F2RL2: variants seen among roughly 807,000 people sequenced by gnomAD.
F2RL2 encodes the protein coagulation factor II thrombin receptor like 2.
F2RL2 carries 4 observed loss-of-function variants against 4.3 expected under a neutral mutation model. That is an observed-to-expected ratio of 0.93 (90% CI 0.46 to 2.12). The LOEUF is 2.12. Ranked by LOEUF, F2RL2 falls within the 30% of genes most tolerant of loss-of-function variation. The pLI is 0.02. For synonymous variants in F2RL2, 166 were observed against 170.9 expected (o/e 0.97, Z 0.22); for missense variants, 408 against 449.3 (o/e 0.91, Z 0.83).
intron 1 of F2RL2, among the ~76,000 whole-genome samples, chr5:76,620,036 C>T (rs1270750952): frequency 1.3e-5 from 2 of 152,158 alleles, no homozygotes; most frequent in Non-Finnish European, 2.9e-5. Flanking sequence ...CTCCTAGAGC[C>T]TCGAGAATGA....
Position 76,617,310 on chromosome 5 carries a change from G to C in F2RL2, c.*272C>G, listed in dbSNP as rs1252089192. The C allele has an allele frequency of 3.1e-6, 1 of 317,954 alleles. No individual in the cohort carries two copies. Among genetic ancestry groups the C allele is most frequent in the Non-Finnish European group, 5.8e-6 (1 of 171,806 alleles). 19.7% of individuals were successfully genotyped at this position (317,954 alleles called of 1,614,324 possible). On this transcript the variant is annotated 3_prime_UTR_variant, in exon 2 of 2. Coordinates refer to ENST00000296641, the MANE Select transcript of F2RL2 (RefSeq NM_004101.4). ...AAATACAAGTATTTTTAGTAGCTGG[G>C]CATGGTGGTGTAATCCCAGCTACTT...
Position 76,616,976 on chromosome 5 carries a change from A to G in F2RL2, c.*606T>C, listed in dbSNP as rs1457094773. 6.6e-6 allele frequency: 1 copy of G among 152,450 alleles called. No individual in the cohort carries two copies. The highest frequency in any genetic ancestry group is 1.5e-5 in the Non-Finnish European group (1 of 68,240). The allele number at this position is 152,450 out of a possible 1,614,324, so 9.4% of individuals were successfully genotyped here. Reference sequence around the variant, plus strand: ...GCATGAGAGTCAAAAGAGACCAAAGAATAAAAAATGATGTCAAATGTCAAG... The same window carrying G: ...GCATGAGAGTCAAAAGAGACCAAAGGATAAAAAATGATGTCAAATGTCAAG... On this transcript the variant is annotated 3_prime_UTR_variant, in exon 2 of 2. Coordinates refer to ENST00000296641, the MANE Select transcript of F2RL2 (RefSeq NM_004101.4).
intron 1 of F2RL2, among the ~76,000 whole-genome samples, chr5:76,619,029 G>T (rs559998511): frequency 1.8e-4 from 28 of 152,298 alleles, no homozygotes; most frequent in African/African-American, 6.7e-4. Flanking sequence ...GACTAGCAAG[G>T]TTCCTAAAAA....
At chr5:76,620,657 G>A (rs368656225) in intron 1 of F2RL2, among the ~76,000 whole-genome samples, 24 of 152,208 alleles carry the variant, frequency 1.6e-4, no homozygotes, top group African/African-American at 5.8e-4. Flanking sequence ...GGAGGCTCTC[G>A]TTTAATTTAA....
chr5:76,620,386 G>C (rs1749527577), intron 1 of F2RL2, among the ~76,000 whole-genome samples: 1 of 152,106 alleles, frequency 6.6e-6, no homozygotes, highest in African/African-American at 2.4e-5. Context: ...GCTTTGGGGT[G>C]CAGTGAGGGA....
rs1749154700 is a variant in F2RL2, at chr5:76,617,920, A to C, written c.787T>G (p.Phe263Val). ...AATCCAAAGAATGCCAAGGAGATGA[A>C]GTAATAGAGTTGGAAGGGAGATGAG... ...ESSSPFQLYY[F>V]ISLAFFGFLI... is the part of the protein sequence containing the mutation. Residue 263 changes from phenylalanine to valine, a missense_variant, in exon 2 of 2, where the codon TTC becomes GTC. By Grantham distance (50) the Phe-to-Val change is conservative (BLOSUM62 -1). Coordinates refer to ENST00000296641, the MANE Select transcript of F2RL2 (RefSeq NM_004101.4). 3 of 1,614,146 alleles carry C rather than the reference A, an allele frequency of 1.9e-6. No individual in the cohort carries two copies. The highest frequency in any genetic ancestry group is 1.1e-5 in the South Asian group (1 of 91,072).
chr5:76,623,147 CCCCT>C lies in F2RL2; in HGVS notation c.64+16_64+19del. On this transcript the variant is annotated intron_variant, in intron 1 of 1. Transcript: ENST00000296641. ...ACAGAAACCCACATCCCCATCCTAC[CCCCT>C]GAGAAAATTGCTTACCACTCTGACA... 3 of 1,613,212 alleles carry C rather than the reference CCCCT, an allele frequency of 1.9e-6. No individual in the cohort carries two copies. In the African/African-American group the frequency reaches 4.0e-5, roughly 22 times the overall value.
intron 1 of F2RL2, among the ~76,000 whole-genome samples, chr5:76,622,649 A>C (rs1749814172): frequency 6.6e-6 from 1 of 152,216 alleles, no homozygotes; most frequent in Non-Finnish European, 1.5e-5. Flanking sequence ...AAAAAATCAT[A>C]TATGAGGGTA....
rs1478366183 is a variant in F2RL2, at chr5:76,617,814, C to T, written c.893G>A (p.Trp298Ter). 6.2e-7 allele frequency: 1 copy of T among 1,613,788 alleles called. No individual in the cohort carries two copies. Residue 298 changes from tryptophan (W) to a stop codon, truncating the protein, a stop_gained, in exon 2 of 2, where the codon TGG (tryptophan) becomes TAG (stop). Transcript: ENST00000296641. LOFTEE classifies it high-confidence loss of function. ...TLNAYDHRWL[W>*]YVKASLLILV... ...GATGAGGAGACTCGCCTTAACATAC[C>T]ACAACCATCTATGATCGTATGCATT...
intron 1 of F2RL2, among the ~76,000 whole-genome samples, chr5:76,622,262 T>C (rs1561522270): frequency 6.6e-6 from 1 of 152,186 alleles, no homozygotes; most frequent in Admixed American, 6.5e-5. Context: ...TCTCAACATA[T>C]TGGCCCATCT....
At position 76,623,370 on chromosome 5, in the gene F2RL2, G is replaced by A. The variant is rs934171698; in HGVS notation, c.-140C>T. ...AAGTTTGCTCTCCTGTGCCGTGCAG[G>A]CAGGAAACTTGCCCTGGTCCTCCGC... On this transcript the variant is annotated 5_prime_UTR_variant, in exon 1 of 2. Transcript: ENST00000296641. 7 of 937,464 alleles carry A rather than the reference G, an allele frequency of 7.5e-6. No individual in the cohort carries two copies. Among genetic ancestry groups the A allele is most frequent in the South Asian group, 3.2e-5 (2 of 61,756 alleles). The allele number at this position is 937,464 out of a possible 1,614,324, so 58.1% of individuals were successfully genotyped here.
In F2RL2 at chr5:76,617,708, A is replaced by G. The variant is rs1436024923; in HGVS notation, c.999T>C (p.Thr333=). 3.7e-6 allele frequency: 6 copies of G among 1,614,048 alleles called. No individual in the cohort carries two copies. In the East Asian group the frequency reaches 1.1e-4, roughly 30 times the overall value. Residue 333 remains threonine, a synonymous_variant, in exon 2 of 2, where the codon ACT becomes ACC. Coordinates refer to ENST00000296641, the MANE Select transcript of F2RL2 (RefSeq NM_004101.4). ...IHHANYYYNN[T]DGLYFIYLIA... ...TGAGATATATAAAATATAAGCCATC[A>G]GTGTTGTTGTAGTAGTAGTTAGCAT...
intron 1 of F2RL2, among the ~76,000 whole-genome samples, chr5:76,621,602 A>T (rs1472525356): frequency 6.6e-6 from 1 of 152,238 alleles, no homozygotes; most frequent in Non-Finnish European, 1.5e-5. Context: ...GTCCGTTTTC[A>T]GAAAGTTTCT....
In F2RL2 at chr5:76,623,372, A is replaced by T. The variant is rs1392879151; in HGVS notation, c.-142T>A. ...GTTTGCTCTCCTGTGCCGTGCAGGC[A>T]GGAAACTTGCCCTGGTCCTCCGCAG... is the stretch of plus-strand genomic sequence containing the variant. On this transcript the variant is annotated 5_prime_UTR_variant, in exon 1 of 2. Transcript: ENST00000296641. The T allele has an allele frequency of 8.8e-6, 8 of 913,344 alleles. No homozygotes were observed. The African/African-American group carries it at 1.2e-4, about 13-fold the overall frequency. 56.6% of individuals were successfully genotyped at this position (913,344 alleles called of 1,614,324 possible).
At position 76,618,513 on chromosome 5, in the gene F2RL2, G is replaced by A. The variant is rs1749245129; in HGVS notation, c.194C>T (p.Thr65Ile). Reference protein sequence around the residue: ...ALEGWTGATITVKIKCPEESA... With the variant: ...ALEGWTGATIIVKIKCPEESA... ...TTCTTCAGGGCACTTAATTTTTACA[G>A]TAATCGTGGCTCCTGTCCAGCCTTC... Residue 65 changes from threonine (T) to isoleucine (I), a missense_variant, in exon 2 of 2, where the codon ACT becomes ATT. Transcript: ENST00000296641. 12 of 1,614,170 alleles carry A rather than the reference G, an allele frequency of 7.4e-6. No homozygotes were observed. The highest frequency in any genetic ancestry group is 9.3e-6 in the Non-Finnish European group (11 of 1,180,024).
rs150001586 is a variant in F2RL2, at chr5:76,617,707, C to T, written c.1000G>A (p.Asp334Asn). 8.7e-5 allele frequency: 141 copies of T among 1,613,846 alleles called. No individual in the cohort carries two copies. The highest frequency in any genetic ancestry group is 1.2e-4 in the Non-Finnish European group (138 of 1,179,974). The change falls in exon 2 of 2, where the codon GAT (aspartate) becomes AAT (asparagine). Residue 334 changes from aspartate to asparagine, a missense_variant. Physicochemically the swap from Asp to Asn is conservative, Grantham distance 23. Coordinates refer to ENST00000296641, the MANE Select transcript of F2RL2 (RefSeq NM_004101.4). Reference protein sequence around the residue: ...HHANYYYNNTDGLYFIYLIAL... With the variant: ...HHANYYYNNTNGLYFIYLIAL... Reference sequence around the variant, plus strand: ...ATGAGATATATAAAATATAAGCCATCAGTGTTGTTGTAGTAGTAGTTAGCA... The same window carrying T: ...ATGAGATATATAAAATATAAGCCATTAGTGTTGTTGTAGTAGTAGTTAGCA...
chr5:76,623,121 A>G (rs754323126), intron 1 of F2RL2, 46 bp downstream of exon 1: 2 of 1,584,784 alleles, frequency 1.3e-6, no homozygotes, highest in Non-Finnish European at 1.7e-6. Context: ...CTTAATTTGT[A>G]ACAGAAACCC....
rs1295471328 is a variant in F2RL2, at chr5:76,617,895, A to C, written c.812T>G (p.Phe271Cys). ...GATGATAAGCACAAATGGAATTAAG[A>C]ATCCAAAGAATGCCAAGGAGATGAA... Reference protein sequence around the residue: ...YYFISLAFFGFLIPFVLIIYC... With the variant: ...YYFISLAFFGCLIPFVLIIYC... Residue 271 changes from phenylalanine (F) to cysteine (C), a missense_variant, in exon 2 of 2, where the codon TTC (phenylalanine) becomes TGC (cysteine). Coordinates refer to ENST00000296641, the MANE Select transcript of F2RL2 (RefSeq NM_004101.4). The C allele has an allele frequency of 1.2e-6, 2 of 1,613,988 alleles. No homozygotes were observed. Among genetic ancestry groups the C allele is most frequent in the Admixed American group, 1.7e-5 (1 of 59,996 alleles).
At position 76,619,163 on chromosome 5, in the gene F2RL2, CAGT is replaced by C. The variant is rs1749337147; in HGVS notation, c.65-524_65-522del. Among the ~76,000 whole-genome samples the C allele has an allele frequency of 2.0e-5, 3 of 152,126 alleles. 1 individual carries two copies. The East Asian group carries it at 5.8e-4, about 29-fold the overall frequency. ...AAATTTTTATTGTACATTGATGTGT[CAGT>C]GGTGTAAAGTTTTAAATAAAATCCA... On this transcript the variant is annotated intron_variant, in intron 1 of 1. Coordinates refer to ENST00000296641, the MANE Select transcript of F2RL2 (RefSeq NM_004101.4).
Sources: allele counts gnomAD v4.1 joint callset (sites outside exome capture counted in the v4.1 genomes callset), GRCh38; gene constraint gnomAD v4.1.1; transcripts MANE v1.5; gene names NCBI Gene and HGNC (gene_info 2026-07-23, HGNC 2026-07-21).